The following DCC variants were observed in gnomAD, a reference collection of about 807,000 sequenced individuals.
DCC encodes netrin receptor DCC.
In DCC, 58 loss-of-function variants were observed where a neutral mutation model predicts 172.5. The ratio of observed to expected loss-of-function variants is 0.34; its 90% CI spans 0.27 to 0.42. DCC has a LOEUF of 0.42. DCC is among the 10% of genes least tolerant of loss of function. The probability of loss-of-function intolerance (pLI) is 1.00; values close to 1 mark genes in which losing one functional copy is unlikely to be tolerated. For missense variants in DCC, 1,740 were observed against 1,791.0 expected, an observed-to-expected ratio of 0.97 and a Z score of 0.51; for synonymous variants, 709 against 644.5, an observed-to-expected ratio of 1.10 and a Z score of -1.52.
At chr18:52,954,303 T>A (rs559102139) in intron 5 of DCC, among the ~76,000 whole-genome samples, 1 of 152,174 alleles carries the variant, frequency 6.6e-6, no homozygotes, top group East Asian at 1.9e-4. Flanking sequence ...TATCACTAGT[T>A]TTTTTTTCAG....
chr18:52,961,612 C>A (rs1374610230), intron 5 of DCC, among the ~76,000 whole-genome samples: 2 of 152,150 alleles, frequency 1.3e-5, no homozygotes, highest in Non-Finnish European at 2.9e-5. Flanking sequence ...GGCTATGCCT[C>A]CCTGCACAAA....
intron 15 of DCC, among the ~76,000 whole-genome samples, chr18:53,382,849 G>T (rs1907873523): frequency 6.6e-6 from 1 of 151,990 alleles, no homozygotes; most frequent in Non-Finnish European, 1.5e-5. Context: ...AATCCATGTG[G>T]TTTAGAGTCT....
At chr18:53,194,091 C>T (rs562933162) in intron 9 of DCC, among the ~76,000 whole-genome samples, 2 of 152,262 alleles carry the variant, frequency 1.3e-5, no homozygotes, top group South Asian at 4.1e-4. Context: ...CCATGGGAAA[C>T]ACTCTGAGTT....
Position 53,215,528 on chromosome 18 carries a change from A to G in DCC, c.1862-20A>G. 6.2e-7 allele frequency: 1 copy of G among 1,611,316 alleles called. No homozygotes were observed. Among genetic ancestry groups the G allele is most frequent in the Non-Finnish European group, 8.5e-7 (1 of 1,177,490 alleles). On this transcript the variant is annotated intron_variant, in intron 11 of 28. Coordinates refer to ENST00000442544, the MANE Select transcript of DCC (RefSeq NM_005215.4). ...CAAGATTTTGGCAGTAACTGTGACA[A>G]TTTGTTTGATTCCTTTTAGTGCCAA...
At chr18:52,584,238 C>T (rs1187097598) in intron 1 of DCC, among the ~76,000 whole-genome samples, 1 of 152,214 alleles carries the variant, frequency 6.6e-6, no homozygotes, top group Non-Finnish European at 1.5e-5. Context: ...AGGAACGTGG[C>T]TTCTAGCCCA....
intron 12 of DCC, among the ~76,000 whole-genome samples, chr18:53,246,819 T>C (rs1332245138): frequency 6.6e-6 from 1 of 152,062 alleles, no homozygotes; most frequent in Non-Finnish European, 1.5e-5. Flanking sequence ...GCCTGAGTAT[T>C]ATAAAGTGCG....
intron 1 of DCC, among the ~76,000 whole-genome samples, chr18:52,731,457 C>T (rs79631477): frequency 2.5e-3 from 378 of 152,354 alleles, no homozygotes; most frequent in African/African-American, 8.3e-3. Flanking sequence ...TATTCAGTCA[C>T]ATGACAGAGA....
chr18:52,536,346 T>C (rs192758820), intron 1 of DCC, among the ~76,000 whole-genome samples: 2 of 151,628 alleles, frequency 1.3e-5, no homozygotes, highest in Admixed American at 1.3e-4. Flanking sequence ...ACAGATGGAC[T>C]AAGTAGGCTG....
intron 1 of DCC, among the ~76,000 whole-genome samples, chr18:52,571,051 ACT>A (rs1168779440): frequency 1.3e-5 from 2 of 151,996 alleles, no homozygotes; most frequent in Admixed American, 6.6e-5. Context: ...TTGACTTTTG[ACT>A]CTGTTTTTAT....
intron 7 of DCC, among the ~76,000 whole-genome samples, chr18:53,135,366 T>C (rs908125493): frequency 2.6e-5 from 4 of 152,150 alleles, no homozygotes; most frequent in Non-Finnish European, 5.9e-5. Flanking sequence ...AATTTTCCAT[T>C]AATGTTTGTG....
At position 52,713,831 on chromosome 18, in the gene DCC, T is replaced by A. The variant is rs562380967; in HGVS notation, c.92-38223T>A. ...AGTGTGATACAGGGAAGCACTTGGT[T>A]CTTGCCGGCCAGGTGTGCATAATCA... On this transcript the variant is annotated intron_variant, in intron 1 of 28. Coordinates refer to ENST00000442544, the MANE Select transcript of DCC (RefSeq NM_005215.4). Among the ~76,000 whole-genome samples, 159 of 152,300 alleles carry A rather than the reference T, an allele frequency of 1.0e-3. 2 individuals are homozygous for A. In the Middle Eastern group the frequency reaches 0.017, roughly 16 times the overall value.
intron 1 of DCC, among the ~76,000 whole-genome samples, chr18:52,714,512 C>A (rs1436129959): frequency 6.6e-6 from 1 of 152,054 alleles, no homozygotes; most frequent in Non-Finnish European, 1.5e-5. Context: ...GGTAGAAGGG[C>A]ATACTGAACT....
chr18:53,004,722 GCCTT>G (rs777457762), intron 5 of DCC, among the ~76,000 whole-genome samples: 4 of 151,116 alleles, frequency 2.6e-5, no homozygotes, highest in Non-Finnish European at 2.9e-5. Flanking sequence ...GTTTTTTCTT[GCCTT>G]CCTTCCATTA....
Position 52,515,606 on chromosome 18 carries a change from CAAAAA to C in DCC, c.91+174744_91+174748del, listed in dbSNP as rs58112743. Among the ~76,000 whole-genome samples, 86 of 10,336 alleles carry C rather than the reference CAAAAA, an allele frequency of 8.3e-3. 10 individuals are homozygous for C. Among genetic ancestry groups the C allele is most frequent in the South Asian group, 0.023 (5 of 220 alleles). The allele number at this position is 10,336 out of a possible 152,430, so 6.8% of individuals were successfully genotyped here. A position where few individuals can be genotyped will look rare whatever the true frequency, so the allele number is the denominator to read the frequency against. On this transcript the variant is annotated intron_variant, in intron 1 of 28. Transcript: ENST00000442544. ...TGGGCGACAGAGCGAAACCCTGTCT[CAAAAA>C]AAAAAAAAAAAAAAATCATACAGGT...
At chr18:52,908,314 A>G (rs933051018) in intron 3 of DCC, among the ~76,000 whole-genome samples, 5 of 152,250 alleles carry the variant, frequency 3.3e-5, no homozygotes, top group African/African-American at 9.6e-5. Context: ...AAATGTATCA[A>G]TAACCATTGG....
At chr18:52,521,131 G>T (rs1224868164) in intron 1 of DCC, among the ~76,000 whole-genome samples, 1 of 151,976 alleles carries the variant, frequency 6.6e-6, no homozygotes, top group African/African-American at 2.4e-5. Flanking sequence ...TGTACATTCA[G>T]ACTATGATGC....
chr18:52,436,022 C>T (rs1987784157), intron 1 of DCC, among the ~76,000 whole-genome samples: 1 of 152,240 alleles, frequency 6.6e-6, no homozygotes, highest in African/African-American at 2.4e-5. Context: ...GCCCGGAGTT[C>T]TCCGGAAACT....
chr18:52,667,453 T>C lies in DCC; in HGVS notation c.92-84601T>C, dbSNP rs148834816. On this transcript the variant is annotated intron_variant, in intron 1 of 28. Transcript: ENST00000442544. ...AATCTTCATTTTGACTTTGGCCTGT[T>C]GTAAGCCTGTTCCAGGCTCAGACCT... Among the ~76,000 whole-genome samples, 43 of 152,374 alleles carry C rather than the reference T, an allele frequency of 2.8e-4. 1 individual carries two copies. In the East Asian group the frequency reaches 7.7e-3, roughly 27 times the overall value.
At chr18:52,698,077 T>C (rs1283547152) in intron 1 of DCC, among the ~76,000 whole-genome samples, 1 of 152,196 alleles carries the variant, frequency 6.6e-6, no homozygotes, top group Non-Finnish European at 1.5e-5. Flanking sequence ...CTGTGTTGAA[T>C]TGGGTATCTT....
Sources: gnomAD v4.1 joint callset for allele counts (sites outside exome capture counted in the v4.1 genomes callset) on GRCh38, gnomAD v4.1.1 for gene constraint, MANE v1.5 for transcripts, NCBI Gene and HGNC (gene_info 2026-07-23, HGNC 2026-07-21) for gene names.